Variants in CA10 observed in about 807,000 individuals in gnomAD.
CA10 encodes the protein carbonic anhydrase-related protein 10.
CA10 carries 14 observed loss-of-function variants against 44.2 expected under a neutral mutation model. The ratio of observed to expected loss-of-function variants is 0.32; its 90% CI spans 0.21 to 0.50. The LOEUF (loss-of-function observed/expected upper bound fraction) is 0.50. Among genes scored for constraint, CA10 ranks in the 20% least tolerant of loss-of-function variants. The pLI, the probability that CA10 is intolerant of heterozygous loss-of-function variation, is 0.99. For missense variants in CA10, 350 were observed against 409.7 expected (o/e 0.85, Z 1.26); for synonymous variants, 159 against 141.6 (o/e 1.12, Z -0.87).
At chr17:51,749,153 G>A (rs1904806809) in intron 3 of CA10, among the ~76,000 whole-genome samples, 1 of 152,220 alleles carries the variant, frequency 6.6e-6, no homozygotes, top group African/African-American at 2.4e-5. Context: ...GGCCCCTAGA[G>A]ATTATGTGCA....
chr17:52,152,186 T>C (rs895642042), intron 1 of CA10, among the ~76,000 whole-genome samples: 3 of 152,096 alleles, frequency 2.0e-5, no homozygotes, highest in East Asian at 3.8e-4. Context: ...GTGCTAGTTG[T>C]AGACATGCAA....
At chr17:51,792,711 A>G (rs1906567235) in intron 3 of CA10, among the ~76,000 whole-genome samples, 1 of 152,248 alleles carries the variant, frequency 6.6e-6, no homozygotes, top group Non-Finnish European at 1.5e-5. Context: ...GCTGGTCTGC[A>G]TTATACAGTG....
intron 4 of CA10, among the ~76,000 whole-genome samples, chr17:51,708,648 A>G (rs949377856): frequency 2.0e-5 from 3 of 152,176 alleles, no homozygotes; most frequent in African/African-American, 7.2e-5. Flanking sequence ...GGAGATTAAC[A>G]TTTGAGCCAG....
chr17:52,014,557 G>A (rs999288825), intron 2 of CA10, among the ~76,000 whole-genome samples: 2 of 151,970 alleles, frequency 1.3e-5, no homozygotes, highest in African/African-American at 2.4e-5. Context: ...TAGCACAGAG[G>A]AGGATTAAGG....
At chr17:51,916,305 C>T (rs1221015874) in intron 3 of CA10, among the ~76,000 whole-genome samples, 1 of 152,158 alleles carries the variant, frequency 6.6e-6, no homozygotes, top group Non-Finnish European at 1.5e-5. Context: ...CTTATCATTG[C>T]AAAGGTGCCA....
In CA10 at chr17:51,631,131, A is replaced by G. The variant is rs1912551471; in HGVS notation, c.*453T>C. On this transcript the variant is annotated 3_prime_UTR_variant, in exon 9 of 9. Coordinates refer to ENST00000451037, the MANE Select transcript of CA10 (RefSeq NM_020178.5). ...TGCAAAGTCCGTTTGATGCCATCAG[A>G]GCTGTATTTTCTCCTCTCTCTTTTG... 5.9e-6 allele frequency: 1 copy of G among 168,986 alleles called. No homozygotes were observed. The highest frequency in any genetic ancestry group is 2.4e-5 in the African/African-American group (1 of 41,638). The allele number at this position is 168,986 out of a possible 1,614,324, so 10.5% of individuals were successfully genotyped here.
At chr17:51,746,585 T>C (rs1301310620) in intron 4 of CA10, among the ~76,000 whole-genome samples, 1 of 152,232 alleles carries the variant, frequency 6.6e-6, no homozygotes, top group Non-Finnish European at 1.5e-5. Context: ...ACATCCCCAT[T>C]ACAGCATGAC....
chr17:51,843,029 G>T (rs929419361), intron 3 of CA10, among the ~76,000 whole-genome samples: 22 of 152,334 alleles, frequency 1.4e-4, no homozygotes, highest in Non-Finnish European at 2.2e-4. Flanking sequence ...TGAATGTGTT[G>T]AAGTTGGGAT....
chr17:51,633,500 G>C lies in CA10; in HGVS notation c.940C>G (p.Arg314Gly), dbSNP rs998231328. 6.2e-7 allele frequency: 1 copy of C among 1,613,632 alleles called. No individual in the cohort carries two copies. ...CCTCTATACTGAAGCTTCTGGGCTC[G>C]GTTGTTTGGACAGTCCTTCCCCTGT... Reference protein sequence around the residue: ...SLQGKDCPNNRAQKLQYRVNE... With the variant: ...SLQGKDCPNNGAQKLQYRVNE... Residue 314 changes from arginine (R) to glycine (G), a missense_variant, in exon 8 of 9, where the codon CGA becomes GGA. Arg to Gly is a moderately radical substitution (Grantham distance 125). Transcript: ENST00000451037.
At chr17:52,138,775 T>C (rs1219364213) in intron 1 of CA10, among the ~76,000 whole-genome samples, 1 of 152,164 alleles carries the variant, frequency 6.6e-6, no homozygotes, top group East Asian at 1.9e-4. Context: ...GTAAGTACAA[T>C]TTCCAATTAC....
At chr17:52,069,429 C>T (rs1257048189) in intron 2 of CA10, among the ~76,000 whole-genome samples, 1 of 152,126 alleles carries the variant, frequency 6.6e-6, no homozygotes, top group Non-Finnish European at 1.5e-5. Context: ...AAGACAGACT[C>T]TAGTTGTGGG....
At chr17:51,870,924 A>G (rs1256190576) in intron 3 of CA10, among the ~76,000 whole-genome samples, 2 of 152,082 alleles carry the variant, frequency 1.3e-5, no homozygotes, top group Admixed American at 1.3e-4. Context: ...CTCTAAAAAC[A>G]TGTTTTTAAT....
intron 3 of CA10, among the ~76,000 whole-genome samples, chr17:51,774,206 A>G (rs1374402853): frequency 2.0e-5 from 3 of 152,214 alleles, no homozygotes; most frequent in Non-Finnish European, 4.4e-5. Flanking sequence ...TTTTAAAGTT[A>G]CTTTTTCAAA....
At chr17:52,067,734 A>T (rs573557462) in intron 2 of CA10, among the ~76,000 whole-genome samples, 3 of 152,330 alleles carry the variant, frequency 2.0e-5, no homozygotes, top group African/African-American at 7.2e-5. Context: ...CATGACCTGG[A>T]TGTGATACAC....
At chr17:51,943,701 G>T (rs150770876) in intron 2 of CA10, among the ~76,000 whole-genome samples, 1 of 152,268 alleles carries the variant, frequency 6.6e-6, no homozygotes, top group East Asian at 1.9e-4. Flanking sequence ...GGGATCCAGA[G>T]ATTTGCATTA....
At chr17:51,716,640 G>A (rs116734217) in intron 4 of CA10, among the ~76,000 whole-genome samples, 3,093 of 152,106 alleles carry the variant, frequency 0.02, 117 homozygotes, top group African/African-American at 0.07. Flanking sequence ...CACTTACCAA[G>A]GTATGAACTT....
At chr17:51,839,147 C>T (rs772431112) in intron 3 of CA10, among the ~76,000 whole-genome samples, 1 of 152,132 alleles carries the variant, frequency 6.6e-6, no homozygotes, top group Non-Finnish European at 1.5e-5. Flanking sequence ...AAGCAACAGG[C>T]TTTGAACATA....
Position 51,649,257 on chromosome 17 carries a change from G to C in CA10, c.562-3C>G. ...AATGGGTTTGATGAATCAGAAACCT[G>C]GAGGAGAAAAGAAAATATTAATGAC... On this transcript the variant is annotated splice_polypyrimidine_tract_variant and splice_region_variant and intron_variant, in intron 5 of 8. Coordinates refer to ENST00000451037, the MANE Select transcript of CA10 (RefSeq NM_020178.5). The C allele has an allele frequency of 1.2e-6, 2 of 1,607,182 alleles. No homozygotes were observed. Among genetic ancestry groups the C allele is most frequent in the Non-Finnish European group, 1.7e-6 (2 of 1,173,808 alleles).
At chr17:51,884,372 A>T (rs1176261903) in intron 3 of CA10, among the ~76,000 whole-genome samples, 1 of 151,408 alleles carries the variant, frequency 6.6e-6, no homozygotes, top group African/African-American at 2.4e-5. Flanking sequence ...ATTGCCCTCT[A>T]CTCCTCCACT....
Sources: allele counts gnomAD v4.1 joint callset (sites outside exome capture counted in the v4.1 genomes callset), GRCh38; gene constraint gnomAD v4.1.1; transcripts MANE v1.5; gene names NCBI Gene and HGNC (gene_info 2026-07-23, HGNC 2026-07-21).